Variants in PKNOX2 observed in about 807,000 individuals in gnomAD.
PKNOX2 encodes the protein homeobox protein PKNOX2.
Under a neutral mutation model 53.1 loss-of-function variants are expected in PKNOX2, and 14 were observed. The observed-to-expected ratio is 0.26, with a 90% CI of 0.17 to 0.41. The LOEUF (loss-of-function observed/expected upper bound fraction) is 0.41, where lower values mean the gene tolerates loss of function less well. Ranked by LOEUF, PKNOX2 falls within the 10% of genes least tolerant of loss-of-function variation. PKNOX2 has a pLI of 1.00. For synonymous variants in PKNOX2, 257 were observed against 242.8 expected, an observed-to-expected ratio of 1.06 and a Z score of -0.54; for missense variants, 496 against 602.8, an observed-to-expected ratio of 0.82 and a Z score of 1.85.
chr11:125,333,181 A>C (rs758902876), intron 3 of PKNOX2, among the ~76,000 whole-genome samples: 4 of 152,148 alleles, frequency 2.6e-5, no homozygotes, highest in Admixed American at 6.5e-5. Flanking sequence ...AGAAGGTACA[A>C]AAAGGGACAA....
chr11:125,175,343 T>G (rs996404630), intron 1 of PKNOX2, among the ~76,000 whole-genome samples: 1 of 152,134 alleles, frequency 6.6e-6, no homozygotes, highest in Middle Eastern at 3.2e-3. Flanking sequence ...TTCCCAGCAT[T>G]TCTGCTGCAC....
chr11:125,385,506 C>T lies in PKNOX2; in HGVS notation c.228-45C>T, dbSNP rs77022994. 4.7e-3 allele frequency: 7,292 copies of T among 1,535,260 alleles called. 149 individuals are homozygous for T. Among genetic ancestry groups the T allele is most frequent in the East Asian group, 0.043 (1,835 of 42,200 alleles). ...TGGCTTCTGAGCACAGGTAGCAGCA[C>T]GGTCTCTGTGTGTGCGCATGTGTGA... On this transcript the variant is annotated intron_variant, in intron 5 of 12. Transcript: ENST00000298282.
At chr11:125,411,910 T>A in intron 10 of PKNOX2, 45 bp downstream of exon 10, 2 of 1,610,502 alleles carry the variant, frequency 1.2e-6, no homozygotes, top group Non-Finnish European at 1.7e-6. Flanking sequence ...GCATGGGGTA[T>A]GAATAACCCA....
At chr11:125,265,092 T>G (rs1210705575) in intron 2 of PKNOX2, among the ~76,000 whole-genome samples, 2 of 152,026 alleles carry the variant, frequency 1.3e-5, no homozygotes, top group Non-Finnish European at 2.9e-5. Context: ...ATTGAGACCA[T>G]CCTGGCTAAC....
chr11:125,370,033 TC>T lies in PKNOX2; in HGVS notation c.227+2049del, dbSNP rs1952441075. On this transcript the variant is annotated intron_variant, in intron 5 of 12. Coordinates refer to ENST00000298282, the MANE Select transcript of PKNOX2 (RefSeq NM_001382323.2). This position sits in a 1 kb window ranked among gnomAD's most constrained non-coding sequence, Gnocchi z 4.1. ...TTCCTATGCATACTGAAGACTCACCTCGCAGCTGCTCAGACCCCTGGGTCAG... is the reference window on the plus strand; with the variant it reads ...TTCCTATGCATACTGAAGACTCACCTGCAGCTGCTCAGACCCCTGGGTCAG... Among the ~76,000 whole-genome samples, 1 of 152,118 alleles carries T rather than the reference TC, an allele frequency of 6.6e-6. No homozygotes were observed. The highest frequency in any genetic ancestry group is 2.4e-5 in the African/African-American group (1 of 41,412).
chr11:125,279,414 G>T (rs112864929), intron 2 of PKNOX2, among the ~76,000 whole-genome samples: 1 of 152,200 alleles, frequency 6.6e-6, no homozygotes, highest in Non-Finnish European at 1.5e-5. Flanking sequence ...AAGGAGACCC[G>T]AGAAGTATTT....
At chr11:125,260,877 C>G (rs909568366) in intron 2 of PKNOX2, among the ~76,000 whole-genome samples, 9 of 152,136 alleles carry the variant, frequency 5.9e-5, no homozygotes, top group East Asian at 1.9e-4. Flanking sequence ...AGCAAAGAGG[C>G]CTTGTGGAGA....
At chr11:125,333,501 A>C (rs1423709903) in intron 3 of PKNOX2, among the ~76,000 whole-genome samples, 2 of 151,928 alleles carry the variant, frequency 1.3e-5, no homozygotes, top group African/African-American at 4.8e-5. Context: ...GCAACCTCAA[A>C]TATCACCCCT....
rs1956697214 is a variant in PKNOX2, at chr11:125,431,392, G to A, written c.1419G>A (p.Ter473=). 1.2e-6 allele frequency: 2 copies of A among 1,609,254 alleles called. No individual in the cohort carries two copies. Among genetic ancestry groups the A allele is most frequent in the South Asian group, 2.2e-5 (2 of 90,798 alleles). ...TGGAACACAGTGACTCCCTGGAGTA[G>A]TCGGGCAGCCCAGATGGCACTGATC... The part of the protein sequence containing the change: ...LGLEHSDSLE[*] The change falls in exon 13 of 13, where the codon TAG becomes TAA. Residue 473 remains the stop codon, a stop_retained_variant. Coordinates refer to ENST00000298282, the MANE Select transcript of PKNOX2 (RefSeq NM_001382323.2).
At chr11:125,267,516 T>A (rs896001565) in intron 2 of PKNOX2, among the ~76,000 whole-genome samples, 6 of 152,240 alleles carry the variant, frequency 3.9e-5, no homozygotes, top group African/African-American at 1.4e-4. Flanking sequence ...GATTCTGCTC[T>A]CCAGGCCTTA....
intron 2 of PKNOX2, among the ~76,000 whole-genome samples, chr11:125,266,245 A>C (rs1945333017): frequency 6.6e-6 from 1 of 152,182 alleles, no homozygotes; most frequent in Non-Finnish European, 1.5e-5. Flanking sequence ...TTTAGGAGAG[A>C]GAAAACTGAG....
chr11:125,258,204 T>C (rs1224026249), intron 2 of PKNOX2, among the ~76,000 whole-genome samples: 1 of 152,160 alleles, frequency 6.6e-6, no homozygotes, highest in East Asian at 1.9e-4. Context: ...TCTTTCTTCC[T>C]GTCACCCTGT....
chr11:125,271,066 G>A (rs1945757136), intron 2 of PKNOX2, among the ~76,000 whole-genome samples: 1 of 152,124 alleles, frequency 6.6e-6, no homozygotes, highest in African/African-American at 2.4e-5. Context: ...GTCTTTCATG[G>A]GGGCTGATGA....
intron 10 of PKNOX2, among the ~76,000 whole-genome samples, chr11:125,414,144 C>T (rs1012469200): frequency 2.1e-4 from 32 of 152,108 alleles, no homozygotes; most frequent in Non-Finnish European, 1.2e-4. Context: ...ACTCCATGGT[C>T]ACTTCCACCC....
chr11:125,330,147 G>T, intron 2 of PKNOX2: 1 of 152,808 alleles, frequency 6.5e-6, no homozygotes. Context: ...TGTGCAGCTG[G>T]GGATAGAAAG....
intron 2 of PKNOX2, among the ~76,000 whole-genome samples, chr11:125,296,050 G>C (rs1461601014): frequency 2.0e-5 from 3 of 152,000 alleles, no homozygotes; most frequent in Non-Finnish European, 4.4e-5. Flanking sequence ...CTCCACCCCT[G>C]GTGTCTTCAG....
At chr11:125,202,354 G>T (rs1038039174) in intron 1 of PKNOX2, among the ~76,000 whole-genome samples, 2 of 152,184 alleles carry the variant, frequency 1.3e-5, no homozygotes, top group African/African-American at 4.8e-5. Context: ...TGTCCTGGGG[G>T]AATGTTAATG....
intron 2 of PKNOX2, among the ~76,000 whole-genome samples, chr11:125,305,779 A>G (rs913260846): frequency 3.3e-5 from 5 of 152,190 alleles, no homozygotes; most frequent in Admixed American, 6.5e-5. Flanking sequence ...TGGTTATGAC[A>G]CTTAAATTGG....
intron 1 of PKNOX2, among the ~76,000 whole-genome samples, chr11:125,194,565 G>T (rs1282301947): frequency 6.6e-6 from 1 of 151,788 alleles, no homozygotes; most frequent in Non-Finnish European, 1.5e-5. Context: ...GGATCACACT[G>T]GCTGACAGAG....
Sources: allele counts gnomAD v4.1 joint callset (sites outside exome capture counted in the v4.1 genomes callset), GRCh38; gene constraint gnomAD v4.1.1; non-coding constraint Gnocchi (gnomAD v3.1); transcripts MANE v1.5; gene names NCBI Gene and HGNC (gene_info 2026-07-23, HGNC 2026-07-21).